Variants in OTOGL observed in about 807,000 individuals in gnomAD.
The protein encoded by OTOGL is otogelin like.
A neutral mutation model predicts 318.5 loss-of-function variants in OTOGL; 285 were observed. The ratio of observed to expected loss-of-function variants is 0.89; its 90% CI spans 0.81 to 0.99. The LOEUF is 0.99. OTOGL is among the 50% of genes least tolerant of loss of function. The pLI, the probability that OTOGL is intolerant of heterozygous loss-of-function variation, is 0.00. For synonymous variants in OTOGL, 987 were observed against 936.5 expected (o/e 1.05, Z -0.99); for missense variants, 2,899 against 2,845.6 (o/e 1.02, Z -0.43).
At chr12:80,129,565 A>G (rs1005443350) in intron 1 of OTOGL, among the ~76,000 whole-genome samples, 3 of 152,182 alleles carry the variant, frequency 2.0e-5, no homozygotes, top group Non-Finnish European at 4.4e-5. Context: ...TTTTGTAATG[A>G]GGGTGGTACA....
intron 32 of OTOGL, 91 bp downstream of exon 32, chr12:80,314,422 A>C (rs1007905248): frequency 2.4e-6 from 1 of 420,142 alleles, no homozygotes; most frequent in African/African-American, 2.1e-5. Context: ...TGCTGTGAAC[A>C]AACTATAAAT....
At chr12:80,270,580 T>G (rs779793102) in intron 23 of OTOGL, among the ~76,000 whole-genome samples, 8 of 152,154 alleles carry the variant, frequency 5.3e-5, no homozygotes, top group Non-Finnish European at 1.0e-4. Context: ...TTCTGATTCA[T>G]TAGGTCAGGG....
intron 37 of OTOGL, among the ~76,000 whole-genome samples, chr12:80,331,009 A>G (rs765665104): frequency 7.4e-4 from 112 of 152,368 alleles, no homozygotes; most frequent in Admixed American, 9.1e-4. Flanking sequence ...ATGGATTGGT[A>G]GAGTTGTTAA....
intron 44 of OTOGL, among the ~76,000 whole-genome samples, chr12:80,347,821 G>A (rs1232473227): frequency 2.6e-5 from 4 of 152,110 alleles, no homozygotes; most frequent in African/African-American, 9.7e-5. Flanking sequence ...TCTAACTGGT[G>A]TGAGATGGTA....
chr12:80,339,776 T>C (rs941518105), intron 43 of OTOGL, among the ~76,000 whole-genome samples: 4 of 152,112 alleles, frequency 2.6e-5, no homozygotes, highest in Non-Finnish European at 5.9e-5. Context: ...TTGTCCTAGT[T>C]TTATTATGAA....
rs763075060 is a variant in OTOGL at position 80,356,823 on chromosome 12, A to G, written c.5928A>G (p.Lys1976=). 2 of 1,594,344 alleles carry G rather than the reference A, an allele frequency of 1.3e-6. No homozygotes were observed. The highest frequency in any genetic ancestry group is 3.5e-5 in the Admixed American group (2 of 56,908). The change falls in exon 49 of 59, where the codon AAA becomes AAG. Residue 1976 remains lysine (K), a synonymous_variant. Transcript: ENST00000547103. ...TTTCTGCAGAATGTGACCCATTGAA[A>G]TGCCCCAGTATTTCAACACCAGAAT... ...PQYKCECDPL[K]CPSISTPECR... is the part of the protein sequence containing the mutation.
Position 80,219,804 on chromosome 12 carries a change from T to G in OTOGL, c.236-10T>G, listed in dbSNP as rs769949412. On this transcript the variant is annotated splice_polypyrimidine_tract_variant and intron_variant, in intron 5 of 58. Transcript: ENST00000547103. The stretch of plus-strand genomic sequence containing the variant: ...CCAGAAGATAACTTTTTTTTTTTTT[T>G]CCCCCTCAGGTTCTTGTCCTTATGA... 6.7e-7 allele frequency: 1 copy of G among 1,500,674 alleles called. No individual in the cohort carries two copies. Among genetic ancestry groups the G allele is most frequent in the African/African-American group, 1.4e-5 (1 of 71,792 alleles). The allele number at this position is 1,500,674 out of a possible 1,614,324, so 93.0% of individuals were successfully genotyped here.
intron 33 of OTOGL, among the ~76,000 whole-genome samples, chr12:80,319,740 C>T (rs1462363918): frequency 6.6e-6 from 1 of 152,044 alleles, no homozygotes; most frequent in Non-Finnish European, 1.5e-5. Context: ...AAAATAATCT[C>T]AATTTAAAAA....
chr12:80,293,588 TTCTTTTCTCTG>T (rs1885186770), intron 26 of OTOGL, among the ~76,000 whole-genome samples: 1 of 152,168 alleles, frequency 6.6e-6, no homozygotes, highest in Admixed American at 6.5e-5. Context: ...ATGTCTAACT[TTCTTTTCTCTG>T]TCTTTTCTCT....
intron 1 of OTOGL, among the ~76,000 whole-genome samples, chr12:80,161,122 G>T (rs1381796182): frequency 1.3e-5 from 2 of 151,948 alleles, no homozygotes; most frequent in African/African-American, 4.8e-5. Context: ...ACTACAAATT[G>T]CGTTCAGGGT....
chr12:80,130,148 C>G (rs1871149148), intron 1 of OTOGL, among the ~76,000 whole-genome samples: 1 of 152,118 alleles, frequency 6.6e-6, no homozygotes, highest in Admixed American at 6.5e-5. Context: ...CATTATAAAA[C>G]TACTGCCAAT....
intron 1 of OTOGL, among the ~76,000 whole-genome samples, chr12:80,115,573 C>T (rs2137088226): frequency 6.6e-6 from 1 of 152,312 alleles, no homozygotes; most frequent in Admixed American, 6.5e-5. Flanking sequence ...AGCTCAAGCA[C>T]TGTGCTGGGA....
intron 52 of OTOGL, among the ~76,000 whole-genome samples, chr12:80,360,739 C>T (rs1270405802): frequency 6.6e-6 from 1 of 151,990 alleles, no homozygotes; most frequent in Non-Finnish European, 1.5e-5. Flanking sequence ...CTTGGACTCC[C>T]AAAATGCTGG....
chr12:80,184,015 T>C (rs1402161642), intron 1 of OTOGL, among the ~76,000 whole-genome samples: 2 of 152,216 alleles, frequency 1.3e-5, no homozygotes, highest in Non-Finnish European at 2.9e-5. Flanking sequence ...TGTTCTCTCT[T>C]CAAATAGGTC....
intron 24 of OTOGL, among the ~76,000 whole-genome samples, chr12:80,274,361 A>G (rs1193326758): frequency 6.6e-6 from 1 of 152,062 alleles, no homozygotes; most frequent in African/African-American, 2.4e-5. Flanking sequence ...GATAGATCAA[A>G]TCAGCTGCAA....
At chr12:80,192,658 C>G (rs1319221840) in intron 1 of OTOGL, among the ~76,000 whole-genome samples, 2 of 152,176 alleles carry the variant, frequency 1.3e-5, no homozygotes, top group Admixed American at 1.3e-4. Flanking sequence ...GCTCTCTTAA[C>G]AGGCAAGTCT....
chr12:80,344,559 C>T (rs960997056), intron 44 of OTOGL, among the ~76,000 whole-genome samples: 8 of 152,172 alleles, frequency 5.3e-5, no homozygotes, highest in African/African-American at 1.2e-4. Context: ...ATTGTAGAAA[C>T]GTAAATGGGC....
At chr12:80,200,014 A>G (rs918996944) in intron 1 of OTOGL, among the ~76,000 whole-genome samples, 3 of 152,178 alleles carry the variant, frequency 2.0e-5, no homozygotes, top group Non-Finnish European at 4.4e-5. Context: ...TGAGCTCTAT[A>G]AGCACATCAG....
At chr12:80,165,261 G>T (rs1873761781) in intron 1 of OTOGL, among the ~76,000 whole-genome samples, 1 of 152,134 alleles carries the variant, frequency 6.6e-6, no homozygotes, top group Non-Finnish European at 1.5e-5. Flanking sequence ...CATGTGCTTT[G>T]CTTCTCTCCT....
Sources: gnomAD v4.1 joint callset for allele counts (sites outside exome capture counted in the v4.1 genomes callset) on GRCh38, gnomAD v4.1.1 for gene constraint, MANE v1.5 for transcripts, NCBI Gene and HGNC (gene_info 2026-07-23, HGNC 2026-07-21) for gene names.